The following MYO16 variants were observed in gnomAD, a reference collection of about 807,000 sequenced individuals.
The protein encoded by MYO16 is unconventional myosin-XVI.
Under a neutral mutation model 205.3 loss-of-function variants are expected in MYO16, and 94 were observed. The observed-to-expected ratio is 0.46, with a 90% CI of 0.39 to 0.54. The LOEUF (loss-of-function observed/expected upper bound fraction) is 0.54. MYO16 is among the 20% of genes least tolerant of loss of function. The pLI, the probability that MYO16 is intolerant of heterozygous loss-of-function variation, is 0.00. For missense variants in MYO16, 2,315 were observed against 2,387.5 expected, an observed-to-expected ratio of 0.97 and a Z score of 0.63; for synonymous variants, 988 against 954.0, an observed-to-expected ratio of 1.04 and a Z score of -0.66.
chr13:108,717,075 CAA>C (rs11345209), intron 3 of MYO16, among the ~76,000 whole-genome samples: 1,743 of 147,324 alleles, frequency 0.012, 23 homozygotes, highest in Middle Eastern at 0.028. Flanking sequence ...TAACTCTTTA[CAA>C]AAAAAAAAAT....
chr13:109,055,061 G>C lies in MYO16; in HGVS notation c.3064G>C (p.Gly1022Arg). The C allele has an allele frequency of 6.4e-7, 1 of 1,568,966 alleles. No homozygotes were observed. Among genetic ancestry groups the C allele is most frequent in the Non-Finnish European group, 8.7e-7 (1 of 1,154,866 alleles). Residue 1022 changes from glycine (G) to arginine (R), a missense_variant, in exon 26 of 35, where the codon GGA becomes CGA. By Grantham distance (125) the Gly-to-Arg change is moderately radical. Transcript: ENST00000457511. This position sits in a 1 kb window ranked among gnomAD's most constrained non-coding sequence, Gnocchi z 5.0. ...LELSKLLKKK[G>R]TSTFLQRLER... is the part of the protein sequence containing the mutation. ...TTTATTACAGTTATTAAAAAAGAAA[G>C]GAACTTCTACATTTCTTCAAAGATT...
At chr13:108,848,163 A>G (rs1475141) in intron 10 of MYO16, among the ~76,000 whole-genome samples, 95,868 of 151,810 alleles carry the variant, frequency 0.63, 30,717 homozygotes, top group Middle Eastern at 0.68. Flanking sequence ...TATTTGTACT[A>G]TCATTATTAT....
At position 109,127,610 on chromosome 13, in the gene MYO16, C is replaced by T. The variant is rs1387963523; in HGVS notation, c.4051+60C>T. ...GGGCTCGCGCATGCTCTGACTTCGC[C>T]TTGGGGCGCCCATGGCAGTACTGTC... On this transcript the variant is annotated intron_variant, in intron 31 of 34. Transcript: ENST00000457511. The surrounding 1 kb of genome is among the most constrained non-coding windows in gnomAD (Gnocchi z 4.2). The T allele has an allele frequency of 6.4e-7, 1 of 1,561,150 alleles. No individual in the cohort carries two copies. Among genetic ancestry groups the T allele is most frequent in the South Asian group, 1.1e-5 (1 of 87,576 alleles).
rs5806782 is a variant in MYO16 at position 109,080,579 on chromosome 13, CA to C, written c.3336-20191del. 4.2e-3 allele frequency among the ~76,000 whole-genome samples: 614 copies of C among 145,676 alleles called. 5 individuals carry two copies. Among genetic ancestry groups the C allele is most frequent in the Middle Eastern group, 0.014 (4 of 284 alleles). ...ATTCTGAACATTCTGTGCCCCTCTT[CA>C]AAAAAAAAAAAAAATGCTTTGGCTC... On this transcript the variant is annotated intron_variant, in intron 27 of 34. Transcript: ENST00000457511.
chr13:108,593,559 A>C (rs1477817490), upstream of MYO16, among the ~76,000 whole-genome samples: 1 of 152,164 alleles, frequency 6.6e-6, no homozygotes, highest in Admixed American at 6.5e-5. Context: ...GAAAGTGGGA[A>C]ATAAAGACTA....
At position 109,144,959 on chromosome 13, in the gene MYO16, T is replaced by C. The variant is rs988846051; in HGVS notation, c.5164+3583T>C. On this transcript the variant is annotated intron_variant, in intron 32 of 34. Transcript: ENST00000457511. The stretch of plus-strand genomic sequence containing the variant: ...CTTATATGTAGGATTTCACAAATTC[T>C]ATGTTGCCCAAACCAGTTCATTTTC... Among the ~76,000 whole-genome samples the C allele has an allele frequency of 2.0e-5, 3 of 152,256 alleles. 1 individual carries two copies. The highest frequency in any genetic ancestry group is 2.0e-4 in the Admixed American group (3 of 15,292).
chr13:108,687,269 G>C (rs550314153), intron 2 of MYO16, among the ~76,000 whole-genome samples: 1 of 152,160 alleles, frequency 6.6e-6, no homozygotes, highest in Non-Finnish European at 1.5e-5. Context: ...TTCTCGCCAG[G>C]GGTTTGATAA....
At chr13:108,725,308 C>G (rs1884301798) in intron 3 of MYO16, among the ~76,000 whole-genome samples, 1 of 152,058 alleles carries the variant, frequency 6.6e-6, no homozygotes, top group Non-Finnish European at 1.5e-5. Flanking sequence ...CATTGTGGAT[C>G]CTATTTTCCT....
intron 4 of MYO16, among the ~76,000 whole-genome samples, chr13:108,765,749 T>C (rs1003825700): frequency 1.3e-5 from 2 of 152,178 alleles, no homozygotes; most frequent in Admixed American, 1.3e-4. Context: ...CCTTTTTGCA[T>C]CCTACTCACT....
At chr13:109,039,424 GTCCAGATGGACTA>G (rs1284339565) in intron 23 of MYO16, among the ~76,000 whole-genome samples, 1 of 152,170 alleles carries the variant, frequency 6.6e-6, no homozygotes, top group East Asian at 1.9e-4. Flanking sequence ...TGGGACATGT[GTCCAGATGGACTA>G]TCTGCTCGGC....
At chr13:108,841,613 G>A (rs993672073) in intron 9 of MYO16, among the ~76,000 whole-genome samples, 2 of 152,226 alleles carry the variant, frequency 1.3e-5, no homozygotes, top group Non-Finnish European at 2.9e-5. Flanking sequence ...GAGAATATTT[G>A]CCAAGAGCTT....
intron 16 of MYO16, among the ~76,000 whole-genome samples, chr13:108,947,343 C>G (rs1437340956): frequency 6.6e-6 from 1 of 152,100 alleles, no homozygotes; most frequent in Non-Finnish European, 1.5e-5. Flanking sequence ...GCGCGCTGCC[C>G]TCTTCCTGTA....
intron 1 of MYO16, among the ~76,000 whole-genome samples, chr13:108,608,159 T>C (rs907022354): frequency 3.9e-5 from 6 of 152,184 alleles, no homozygotes; most frequent in Non-Finnish European, 5.9e-5. Context: ...TTTTGGAAGC[T>C]TCACATGATC....
chr13:108,547,055 G>A, the MYO16 span, among the ~76,000 whole-genome samples: 3 of 151,950 alleles, frequency 2.0e-5, no homozygotes, highest in South Asian at 2.1e-4. Context: ...GGTGGATCAC[G>A]AGGTCAGGAG....
At chr13:108,776,729 C>G (rs1448578444) in intron 4 of MYO16, among the ~76,000 whole-genome samples, 8 of 152,274 alleles carry the variant, frequency 5.3e-5, no homozygotes. Flanking sequence ...CAGAGCTATC[C>G]TTGCACCAGT....
the MYO16 span, among the ~76,000 whole-genome samples, chr13:108,554,897 C>G: frequency 6.7e-6 from 1 of 149,184 alleles, no homozygotes; most frequent in Non-Finnish European, 1.5e-5. Context: ...CTGTCTCTAC[C>G]TATCTTTTGG....
chr13:108,771,540 T>A (rs9521027), intron 4 of MYO16, among the ~76,000 whole-genome samples: 63,077 of 151,854 alleles, frequency 0.42, 14,638 homozygotes, highest in East Asian at 0.63. Context: ...TCATTCTTGG[T>A]GGTGCATAGT....
chr13:108,503,365 A>T, the MYO16 span, among the ~76,000 whole-genome samples: 1 of 152,160 alleles, frequency 6.6e-6, no homozygotes, highest in Non-Finnish European at 1.5e-5. Context: ...TATATAGACC[A>T]TAGAGATGAT....
intron 1 of MYO16, among the ~76,000 whole-genome samples, chr13:108,639,713 G>A (rs1880415912): frequency 6.6e-6 from 1 of 152,238 alleles, no homozygotes. Context: ...ACAAATGGGA[G>A]GGAGCAGTGG....
Sources: gnomAD v4.1 joint callset for allele counts (sites outside exome capture counted in the v4.1 genomes callset) on GRCh38, gnomAD v4.1.1 for gene constraint, Gnocchi (gnomAD v3.1) non-coding constraint, MANE v1.5 for transcripts, NCBI Gene and HGNC (gene_info 2026-07-23, HGNC 2026-07-21) for gene names.